HUNK: variants seen among roughly 807,000 people sequenced by gnomAD.
HUNK encodes hormonally up-regulated neu tumor-associated kinase.
A neutral mutation model predicts 61.0 loss-of-function variants in HUNK; 21 were observed. The ratio of observed to expected loss-of-function variants is 0.34; its 90% CI spans 0.24 to 0.50. HUNK has a LOEUF of 0.50. Among genes scored for constraint, HUNK ranks in the 20% least tolerant of loss-of-function variants. HUNK has a pLI of 0.98. For missense variants in HUNK, 772 were observed against 945.7 expected (o/e 0.82, Z 2.41); for synonymous variants, 371 against 386.1 (o/e 0.96, Z 0.46).
chr21:31,926,951 ATTCTTTCTTTCTTTCCTTTTTCT>A (rs1474060419), intron 2 of HUNK, among the ~76,000 whole-genome samples: 1 of 151,734 alleles, frequency 6.6e-6, no homozygotes, highest in Non-Finnish European at 1.5e-5. Flanking sequence ...GAAGGCCATT[ATTCTTTCTTTCTTTCCTTTTTCT>A]TTCTTTCTTC....
At chr21:31,982,148 A>G (rs142106075) in intron 7 of HUNK, among the ~76,000 whole-genome samples, 544 of 152,288 alleles carry the variant, frequency 3.6e-3, no homozygotes, top group Non-Finnish European at 6.3e-3. Flanking sequence ...TCTTTGTCTT[A>G]TTCCTGAACA....
At chr21:31,964,451 T>G (rs2052949488) in intron 5 of HUNK, among the ~76,000 whole-genome samples, 1 of 152,190 alleles carries the variant, frequency 6.6e-6, no homozygotes, top group South Asian at 2.1e-4. Context: ...TGATGGTTCA[T>G]GAAAGAAAGT....
chr21:31,946,988 GCCAGTGGCACCTGCACATTCCCACAT>G (rs2052808352), intron 4 of HUNK, among the ~76,000 whole-genome samples: 1 of 151,946 alleles, frequency 6.6e-6, no homozygotes, highest in Non-Finnish European at 1.5e-5. Flanking sequence ...CCATTCTCAA[GCCAGTGGCACCTGCACATTCCCACAT>G]CCCATTCTCA....
intron 7 of HUNK, among the ~76,000 whole-genome samples, chr21:31,975,560 T>C (rs1355156690): frequency 1.3e-5 from 2 of 152,078 alleles, no homozygotes; most frequent in African/African-American, 4.8e-5. Context: ...TTTGACTGAG[T>C]GTTCACTTTC....
chr21:31,998,010 C>T (rs1039370629), intron 10 of HUNK, among the ~76,000 whole-genome samples: 42 of 152,138 alleles, frequency 2.8e-4, no homozygotes, highest in African/African-American at 9.7e-4. Flanking sequence ...CTCCACTTCC[C>T]AGGCTCAGGT....
Position 31,924,643 on chromosome 21 carries a change from G to A in HUNK, c.437G>A (p.Gly146Asp), listed in dbSNP as rs2052647165. Residue 146 changes from glycine (G) to aspartate (D), a missense_variant, in exon 2 of 11, where the codon GGC becomes GAC. Physicochemically the swap from Gly to Asp is moderately conservative, Grantham distance 94. Transcript: ENST00000270112. This position sits in a 1 kb window ranked among gnomAD's most constrained non-coding sequence, Gnocchi z 5.1. ...YYLVMELCPG[G>D]NLMHKIYEKK... Reference sequence around the variant, plus strand: ...CTGGTCATGGAGCTGTGCCCTGGGGGCAACCTGATGCACAAGATCTATGAG... The same window carrying A: ...CTGGTCATGGAGCTGTGCCCTGGGGACAACCTGATGCACAAGATCTATGAG... 2 of 1,614,056 alleles carry A rather than the reference G, an allele frequency of 1.2e-6. No homozygotes were observed. The highest frequency in any genetic ancestry group is 1.3e-5 in the African/African-American group (1 of 74,932).
intron 1 of HUNK, among the ~76,000 whole-genome samples, chr21:31,877,852 G>A (rs776185304): frequency 5.3e-5 from 8 of 152,158 alleles, no homozygotes; most frequent in Non-Finnish European, 1.0e-4. Context: ...CACATAACAA[G>A]TGCCCCCCGC....
intron 1 of HUNK, among the ~76,000 whole-genome samples, chr21:31,916,976 G>A (rs759440311): frequency 2.0e-5 from 3 of 151,916 alleles, no homozygotes; most frequent in East Asian, 3.9e-4. Flanking sequence ...ACACCCGGCC[G>A]GGTTTCCTCT....
chr21:31,890,321 C>G (rs534710549), intron 1 of HUNK, among the ~76,000 whole-genome samples: 1 of 151,906 alleles, frequency 6.6e-6, no homozygotes, highest in Non-Finnish European at 1.5e-5. Flanking sequence ...CTCTGTCTCC[C>G]GGGTTCAAGC....
chr21:31,992,404 G>A (rs1469922803), intron 9 of HUNK, among the ~76,000 whole-genome samples: 4 of 152,200 alleles, frequency 2.6e-5, no homozygotes, highest in African/African-American at 4.8e-5. Flanking sequence ...GCAAATGTCC[G>A]TGCACATCCG....
At chr21:31,960,642 A>T (rs760502100) in intron 5 of HUNK, among the ~76,000 whole-genome samples, 39 of 152,210 alleles carry the variant, frequency 2.6e-4, no homozygotes, top group Admixed American at 1.7e-3. Flanking sequence ...GCAAAGGGAC[A>T]TCTTAGATGG....
At chr21:31,975,368 G>A (rs985064546) in intron 7 of HUNK, among the ~76,000 whole-genome samples, 20 of 152,158 alleles carry the variant, frequency 1.3e-4, no homozygotes, top group African/African-American at 4.3e-4. Flanking sequence ...GAGAATTTAT[G>A]TGCCTTAAAT....
chr21:31,917,940 T>C (rs928751478), intron 1 of HUNK, among the ~76,000 whole-genome samples: 5 of 152,156 alleles, frequency 3.3e-5, no homozygotes, highest in Non-Finnish European at 5.9e-5. Context: ...AATTTCACTC[T>C]GTAAAACTCC....
At chr21:31,899,328 A>G (rs1340590137) in intron 1 of HUNK, among the ~76,000 whole-genome samples, 1 of 152,138 alleles carries the variant, frequency 6.6e-6, no homozygotes, top group Non-Finnish European at 1.5e-5. Context: ...GGGGAGGAGA[A>G]TCTTCTTTTC....
At chr21:31,911,166 G>C (rs952055082) in intron 1 of HUNK, among the ~76,000 whole-genome samples, 3 of 152,180 alleles carry the variant, frequency 2.0e-5, no homozygotes, top group Non-Finnish European at 4.4e-5. Context: ...CTCATTGAGC[G>C]CCGCCTGTGT....
At chr21:31,970,895 A>T (rs1392615138) in intron 6 of HUNK, among the ~76,000 whole-genome samples, 1 of 152,182 alleles carries the variant, frequency 6.6e-6, no homozygotes, top group Non-Finnish European at 1.5e-5. Context: ...GGTCAGAAGC[A>T]TAATGGCTGC....
chr21:31,922,459 T>A (rs2052629233), intron 1 of HUNK, among the ~76,000 whole-genome samples: 1 of 152,168 alleles, frequency 6.6e-6, no homozygotes, highest in Non-Finnish European at 1.5e-5. Flanking sequence ...CCCGAGTAGC[T>A]GGGATTCCAG....
At chr21:31,978,687 T>A (rs2053068897) in intron 7 of HUNK, among the ~76,000 whole-genome samples, 1 of 152,210 alleles carries the variant, frequency 6.6e-6, no homozygotes, top group South Asian at 2.1e-4. Flanking sequence ...TGAATAGTAT[T>A]CCATTATATA....
At chr21:31,897,575 G>A (rs1189309980) in intron 1 of HUNK, among the ~76,000 whole-genome samples, 1 of 152,192 alleles carries the variant, frequency 6.6e-6, no homozygotes, top group Non-Finnish European at 1.5e-5. Context: ...TGGATCATCT[G>A]CAAAGACTCT....
Sources: allele counts gnomAD v4.1 joint callset (sites outside exome capture counted in the v4.1 genomes callset), GRCh38; gene constraint gnomAD v4.1.1; non-coding constraint Gnocchi (gnomAD v3.1); transcripts MANE v1.5; gene names NCBI Gene and HGNC (gene_info 2026-07-23, HGNC 2026-07-21).